The following ITGA6 variants were observed in gnomAD, a reference collection of about 807,000 sequenced individuals.
ITGA6 encodes the protein integrin subunit alpha 6.
ITGA6 carries 63 observed loss-of-function variants against 133.6 expected under a neutral mutation model. The ratio of observed to expected loss-of-function variants is 0.47; its 90% CI spans 0.38 to 0.58. The LOEUF (loss-of-function observed/expected upper bound fraction) is 0.58. Ranked by LOEUF, ITGA6 falls within the 20% of genes least tolerant of loss-of-function variation. The probability of loss-of-function intolerance (pLI) is 0.00; values close to 1 mark genes in which losing one functional copy is unlikely to be tolerated. For synonymous variants in ITGA6, 434 were observed against 482.0 expected (o/e 0.90, Z 1.30); for missense variants, 1,068 against 1,309.4 (o/e 0.82, Z 2.85).
chr2:172,483,251 C>T (rs371180585), intron 11 of ITGA6, among the ~76,000 whole-genome samples: 4 of 152,050 alleles, frequency 2.6e-5, no homozygotes, highest in Admixed American at 6.6e-5. Flanking sequence ...GTGACTCCTG[C>T]GGTGGTTAGG....
chr2:172,446,263 C>A lies in ITGA6; in HGVS notation c.182+18293C>A, dbSNP rs986344825. 2.6e-5 allele frequency among the ~76,000 whole-genome samples: 4 copies of A among 152,260 alleles called. No individual in the cohort carries two copies. The Middle Eastern group carries it at 0.01, about 388-fold the overall frequency. ...TGAGCTCATTAAGTCTATCTTTTCTCTTCTTGTTTTTTATTTAAAATATTT... is the reference window on the plus strand; with the variant it reads ...TGAGCTCATTAAGTCTATCTTTTCTATTCTTGTTTTTTATTTAAAATATTT... On this transcript the variant is annotated intron_variant, in intron 1 of 25. Transcript: ENST00000684293.
intron 5 of ITGA6, among the ~76,000 whole-genome samples, chr2:172,473,634 G>A (rs1686039427): frequency 6.6e-6 from 1 of 152,104 alleles, no homozygotes; most frequent in Non-Finnish European, 1.5e-5. Context: ...CCTGTAACAT[G>A]CACTCAATTA....
intron 1 of ITGA6, among the ~76,000 whole-genome samples, chr2:172,432,268 G>A (rs576455596): frequency 1.3e-5 from 2 of 152,330 alleles, no homozygotes; most frequent in African/African-American, 4.8e-5. Context: ...CTAAAGCAAT[G>A]TCTTTAACTC....
At chr2:172,432,753 A>C (rs1417907632) in intron 1 of ITGA6, among the ~76,000 whole-genome samples, 1 of 152,134 alleles carries the variant, frequency 6.6e-6, no homozygotes, top group Non-Finnish European at 1.5e-5. Flanking sequence ...CCCCAGAAAT[A>C]CAGGCTGACC....
chr2:172,489,620 T>C lies in ITGA6; in HGVS notation c.2641T>C (p.Cys881Arg). Residue 881 changes from cysteine (C) to arginine (R), a missense_variant, in exon 20 of 26, where the codon TGT (cysteine) becomes CGT (arginine). Coordinates refer to ENST00000684293, the MANE Select transcript of ITGA6 (RefSeq NM_000210.4). ...ATCCAAAGGATTGGAAAAGGTAACT[T>C]GTGAGCCACAAAAGGAGATAAACTC... ...VESKGLEKVT[C>R]EPQKEINSLN... The C allele has an allele frequency of 6.2e-7, 1 of 1,614,130 alleles. No homozygotes were observed. Among genetic ancestry groups the C allele is most frequent in the Non-Finnish European group, 8.5e-7 (1 of 1,179,970 alleles).
chr2:172,456,102 T>G (rs546948988), intron 1 of ITGA6, among the ~76,000 whole-genome samples: 1 of 152,288 alleles, frequency 6.6e-6, no homozygotes, highest in South Asian at 2.1e-4. Context: ...GTAGAGGGTG[T>G]GGACATTCCC....
chr2:172,437,943 T>C (rs932079106), intron 1 of ITGA6, among the ~76,000 whole-genome samples: 3 of 151,708 alleles, frequency 2.0e-5, no homozygotes, highest in East Asian at 1.9e-4. Context: ...GATCGCTAGA[T>C]TGGCAATGTA....
At chr2:172,447,703 G>T (rs762710840) in intron 1 of ITGA6, among the ~76,000 whole-genome samples, 2 of 152,074 alleles carry the variant, frequency 1.3e-5, no homozygotes, top group Non-Finnish European at 2.9e-5. Context: ...GGTGGACCAA[G>T]GTCACACCAA....
chr2:172,487,716 A>T lies in ITGA6; in HGVS notation c.2245-12A>T. The T allele has an allele frequency of 6.2e-7, 1 of 1,606,482 alleles. No homozygotes were observed. Among genetic ancestry groups the T allele is most frequent in the Non-Finnish European group, 8.5e-7 (1 of 1,173,664 alleles). ...GCATGGCCTGTGTTAACAGCTATTT[A>T]TGTTTTTTTAGGTCACTTTTTATTT... is the stretch of plus-strand genomic sequence containing the variant. On this transcript the variant is annotated splice_polypyrimidine_tract_variant and intron_variant, in intron 16 of 25. Transcript: ENST00000684293.
intron 1 of ITGA6, among the ~76,000 whole-genome samples, chr2:172,456,374 GAAGCGTGGTGCTGTTGAATTC>G (rs1685208784): frequency 6.6e-6 from 1 of 152,212 alleles, no homozygotes; most frequent in South Asian, 2.1e-4. Context: ...GTTGAGATTT[GAAGCGTGGTGCTGTTGAATTC>G]AAGCTGCTGC....
At chr2:172,461,708 A>G (rs1076594) in intron 1 of ITGA6, among the ~76,000 whole-genome samples, 47,297 of 152,056 alleles carry the variant, frequency 0.31, 7,418 homozygotes, top group South Asian at 0.36. Flanking sequence ...AGTTTTTGGC[A>G]TTTAAGGGCC....
chr2:172,499,015 G>A (rs1308361931), intron 24 of ITGA6, among the ~76,000 whole-genome samples: 2 of 152,142 alleles, frequency 1.3e-5, no homozygotes, highest in Non-Finnish European at 2.9e-5. Context: ...AAAAATTTTG[G>A]ATTCTCAAAC....
At chr2:172,476,814 T>A (rs2149051166) in intron 9 of ITGA6, among the ~76,000 whole-genome samples, 1 of 152,264 alleles carries the variant, frequency 6.6e-6, no homozygotes, top group East Asian at 1.9e-4. Context: ...ACAAAGAACA[T>A]ACAGAAGGAA....
intron 1 of ITGA6, among the ~76,000 whole-genome samples, chr2:172,450,848 TTATG>T (rs201004032): frequency 1.9e-3 from 263 of 141,918 alleles, no homozygotes; most frequent in Middle Eastern, 7.3e-3. Flanking sequence ...TATATATAAT[TTATG>T]TATTTATATA....
At chr2:172,487,915 AACTG>A (rs1686760296) in intron 17 of ITGA6, 42 bp from the exon 18 acceptor site, 2 of 1,570,470 alleles carry the variant, frequency 1.3e-6, no homozygotes, top group Non-Finnish European at 1.8e-6. Flanking sequence ...GTAGTGAGAA[AACTG>A]ACTGGTAAAA....
At position 172,465,641 on chromosome 2, in the gene ITGA6, GC is replaced by G; in HGVS notation, c.286del (p.Arg96GlyfsTer34). 1 of 1,614,244 alleles carries G rather than the reference GC, an allele frequency of 6.2e-7. No homozygotes were observed. The highest frequency in any genetic ancestry group is 8.5e-7 in the Non-Finnish European group (1 of 1,180,044). ...ACATCACCGCCCGGGGGCCATGCACGCGGATCGAGTTTGATAACGATGGTGC... is the reference window on the plus strand; with the variant it reads ...ACATCACCGCCCGGGGGCCATGCACGGGATCGAGTTTGATAACGATGGTGC... The part of the protein sequence containing the change: ...CDITARGPCT[R>X]IEFDNDADPT... On this transcript the variant is annotated frameshift_variant, in exon 2 of 26. Transcript: ENST00000684293. LOFTEE classifies it high-confidence loss of function.
rs1687552894 is a variant in ITGA6, at chr2:172,506,165, AAGTGTG to A, written c.*2099_*2104del. ...AAATTACCTGTGGATATTTGTATAAAAGTGTGAAATAAATTTTTTATAAAAGTGTTC... is the reference window on the plus strand; with the variant it reads ...AAATTACCTGTGGATATTTGTATAAAAAATAAATTTTTTATAAAAGTGTTC... On this transcript the variant is annotated 3_prime_UTR_variant, in exon 26 of 26. Transcript: ENST00000684293. 1 of 152,650 alleles carries A rather than the reference AAGTGTG, an allele frequency of 6.6e-6. No individual in the cohort carries two copies. The highest frequency in any genetic ancestry group is 1.5e-5 in the Non-Finnish European group (1 of 68,038). 9.5% of individuals were successfully genotyped at this position (152,650 alleles called of 1,614,324 possible).
Position 172,469,248 on chromosome 2 carries a change from G to T in ITGA6, c.511G>T (p.Asp171Tyr). The change falls in exon 4 of 26, where the codon GAT becomes TAT. Residue 171 changes from aspartate (D) to tyrosine (Y), a missense_variant. This residue lies in a region of ITGA6 where 317 missense variants were observed against 456.9 expected (regional missense o/e 0.69). Transcript: ENST00000684293. ...LRIEDDMDGG[D>Y]WSFCDGRLRG... ...GATTGAAGACGATATGGATGGGGGAGATTGGAGCTTTTGTGATGGGCGATT... is the reference window on the plus strand; with the variant it reads ...GATTGAAGACGATATGGATGGGGGATATTGGAGCTTTTGTGATGGGCGATT... The T allele has an allele frequency of 1.2e-6, 2 of 1,614,180 alleles. No homozygotes were observed. Among genetic ancestry groups the T allele is most frequent in the Non-Finnish European group, 1.7e-6 (2 of 1,180,018 alleles).
At chr2:172,454,379 G>C (rs1398418339) in intron 1 of ITGA6, among the ~76,000 whole-genome samples, 1 of 152,140 alleles carries the variant, frequency 6.6e-6, no homozygotes. Flanking sequence ...GTAGGAGGAT[G>C]CCTGAAGGAG....
Sources: gnomAD v4.1 joint callset for allele counts (sites outside exome capture counted in the v4.1 genomes callset) on GRCh38, gnomAD v4.1.1 for gene constraint, gnomAD v4.1.1 regional missense constraint, MANE v1.5 for transcripts, NCBI Gene and HGNC (gene_info 2026-07-23, HGNC 2026-07-21) for gene names.